KIAA0319L: variants seen among roughly 807,000 people sequenced by gnomAD.
KIAA0319L encodes the protein KIAA0319 like.
A neutral mutation model predicts 120.1 loss-of-function variants in KIAA0319L; 55 were observed. That is an observed-to-expected ratio of 0.46 (90% CI 0.37 to 0.57). The LOEUF is 0.57. Ranked by LOEUF, KIAA0319L falls within the 20% of genes least tolerant of loss-of-function variation. The pLI, the probability that KIAA0319L is intolerant of heterozygous loss-of-function variation, is 0.00. For synonymous variants in KIAA0319L, 398 were observed against 471.9 expected (o/e 0.84, Z 2.03); for missense variants, 1,049 against 1,255.3 (o/e 0.84, Z 2.48).
intron 7 of KIAA0319L, among the ~76,000 whole-genome samples, chr1:35,463,566 C>A (rs1412729645): frequency 6.6e-6 from 1 of 152,214 alleles, no homozygotes; most frequent in Admixed American, 6.5e-5. Flanking sequence ...TGACTGTGTG[C>A]TACAAATCCA....
chr1:35,555,094 T>C (rs1647759398), intron 1 of KIAA0319L: 1 of 152,200 alleles, frequency 6.6e-6, no homozygotes, highest in Admixed American at 6.5e-5. Flanking sequence ...CCCCAATCCC[T>C]GCATTCAACA....
At chr1:35,435,465 C>G (rs1311719591) in intron 20 of KIAA0319L, 5 of 179,012 alleles carry the variant, frequency 2.8e-5, no homozygotes, top group Non-Finnish European at 4.6e-5. Flanking sequence ...AGAACTCAGG[C>G]TCTGGAGAAT....
chr1:35,519,141 TAGAG>T (rs1260031615), intron 2 of KIAA0319L, among the ~76,000 whole-genome samples: 4 of 152,078 alleles, frequency 2.6e-5, no homozygotes, highest in African/African-American at 7.2e-5. Flanking sequence ...ATTTAACAGA[TAGAG>T]AGACAGGTAT....
intron 3 of KIAA0319L, among the ~76,000 whole-genome samples, chr1:35,484,767 C>CATATAT (rs56318513): frequency 2.7e-4 from 14 of 51,508 alleles, no homozygotes; most frequent in South Asian, 8.5e-4. Context: ...AGTTTTTAAT[C>CATATAT]ATATATATAT....
At chr1:35,451,885 T>TA (rs1424219717) in intron 12 of KIAA0319L, 109 bp from the exon 13 acceptor site, 1 of 1,110,456 alleles carries the variant, frequency 9.0e-7, no homozygotes, top group African/African-American at 1.6e-5. Context: ...GAACTACTGT[T>TA]ACCCAGACCT....
At chr1:35,484,929 A>G (rs1457831673) in intron 3 of KIAA0319L, among the ~76,000 whole-genome samples, 1 of 147,886 alleles carries the variant, frequency 6.8e-6, no homozygotes, top group East Asian at 2.0e-4. Context: ...AGCATTAGGT[A>G]TATCTCCCAA....
intron 10 of KIAA0319L, 198 bp from the exon 11 acceptor site, chr1:35,454,683 G>A (rs1642316284): frequency 9.0e-6 from 12 of 1,329,032 alleles, no homozygotes; most frequent in South Asian, 1.9e-5. Flanking sequence ...CCCCCTTCAA[G>A]GAAACAACCC....
Position 35,434,752 on chromosome 1 carries a change from T to G in KIAA0319L, c.*142A>C. ...GGGTTCCTGGAGGACGTCTCTGGAT[T>G]CAAGTCCCAGGGGTTCTGGTTGGGA... On this transcript the variant is annotated 3_prime_UTR_variant, in exon 21 of 21. Coordinates refer to ENST00000325722, the MANE Select transcript of KIAA0319L (RefSeq NM_024874.5). 1 of 656,986 alleles carries G rather than the reference T, an allele frequency of 1.5e-6. No individual in the cohort carries two copies. The highest frequency in any genetic ancestry group is 1.9e-5 in the African/African-American group (1 of 54,042). The allele number at this position is 656,986 out of a possible 1,614,324, so 40.7% of individuals were successfully genotyped here. A position where few individuals can be genotyped will look rare whatever the true frequency, so the allele number is the denominator to read the frequency against.
chr1:35,479,056 T>C lies in KIAA0319L; in HGVS notation c.823A>G (p.Ile275Val), dbSNP rs1644031442. The C allele has an allele frequency of 3.1e-6, 5 of 1,614,122 alleles. No individual in the cohort carries two copies. Among genetic ancestry groups the C allele is most frequent in the Non-Finnish European group, 4.2e-6 (5 of 1,179,994 alleles). ...GGAGCCACTGGCTGGGGGACAGCAA[T>C]CTGGGTTTTCTCAGAACTTTTTACT... is the stretch of plus-strand genomic sequence containing the variant. ...QQVKSSEKTQ[I>V]AVPQPVAPSY... Residue 275 changes from isoleucine (I) to valine (V), a missense_variant, in exon 4 of 21, where the codon ATT (isoleucine) becomes GTT (valine). By Grantham distance (29) the Ile-to-Val change is conservative. Coordinates refer to ENST00000325722, the MANE Select transcript of KIAA0319L (RefSeq NM_024874.5).
intron 20 of KIAA0319L, among the ~76,000 whole-genome samples, chr1:35,435,871 CTGG>C (rs988875812): frequency 6.6e-6 from 1 of 152,166 alleles, no homozygotes; most frequent in African/African-American, 2.4e-5. Context: ...TGCCCTCTGG[CTGG>C]TGCAAAAACT....
At chr1:35,484,798 A>T (rs1314868272) in intron 3 of KIAA0319L, among the ~76,000 whole-genome samples, 65 of 25,278 alleles carry the variant, frequency 2.6e-3, no homozygotes, top group East Asian at 0.016. Context: ...ATATATATAT[A>T]TATATATATT....
At chr1:35,498,367 C>G (rs778371347) in intron 3 of KIAA0319L, among the ~76,000 whole-genome samples, 1 of 151,454 alleles carries the variant, frequency 6.6e-6, no homozygotes, top group East Asian at 1.9e-4. Flanking sequence ...TGAAGTAATA[C>G]TAAAAATTTT....
chr1:35,486,376 G>GAAAAAA (rs899924972), intron 3 of KIAA0319L, among the ~76,000 whole-genome samples: 76 of 50,858 alleles, frequency 1.5e-3, no homozygotes, highest in African/African-American at 1.7e-3. Context: ...CCTGTCTCAA[G>GAAAAAA]AAAAAAAAAA....
At chr1:35,507,211 C>T in intron 2 of KIAA0319L, 76 bp from the exon 3 acceptor site, 1 of 1,403,576 alleles carries the variant, frequency 7.1e-7, no homozygotes, top group Non-Finnish European at 9.5e-7. Context: ...CCCTGAGAAC[C>T]AACATTTGAG....
chr1:35,454,083 A>G (rs963510624), intron 11 of KIAA0319L, among the ~76,000 whole-genome samples: 5 of 152,206 alleles, frequency 3.3e-5, no homozygotes, highest in African/African-American at 1.2e-4. Context: ...AACCGCAATT[A>G]CTTTTTAGGA....
At chr1:35,507,429 AAAAC>A (rs1645248169) in intron 2 of KIAA0319L, among the ~76,000 whole-genome samples, 1 of 152,074 alleles carries the variant, frequency 6.6e-6, no homozygotes, top group African/African-American at 2.4e-5. Flanking sequence ...AACAAAAACA[AAAAC>A]AAAAACAAAA....
intron 3 of KIAA0319L, among the ~76,000 whole-genome samples, chr1:35,488,874 T>C (rs1270807814): frequency 1.3e-5 from 2 of 152,036 alleles, no homozygotes; most frequent in East Asian, 3.9e-4. Context: ...GAAACCAAAT[T>C]CCACATGGCT....
intron 6 of KIAA0319L, among the ~76,000 whole-genome samples, chr1:35,469,998 G>A (rs759080606): frequency 1.4e-4 from 22 of 151,786 alleles, no homozygotes; most frequent in Non-Finnish European, 2.8e-4. Flanking sequence ...CCTCCTGACC[G>A]GCTGGGACTA....
intron 3 of KIAA0319L, among the ~76,000 whole-genome samples, chr1:35,486,198 C>T (rs1644377377): frequency 1.3e-5 from 2 of 151,954 alleles, no homozygotes; most frequent in African/African-American, 2.4e-5. Context: ...ACCTAGGCAA[C>T]ATAGTGAGAC....
Sources: gnomAD v4.1 joint callset for allele counts (sites outside exome capture counted in the v4.1 genomes callset) on GRCh38, gnomAD v4.1.1 for gene constraint, MANE v1.5 for transcripts, NCBI Gene and HGNC (gene_info 2026-07-23, HGNC 2026-07-21) for gene names.